The following PHF12 variants were observed in gnomAD, a reference collection of about 807,000 sequenced individuals.
PHF12 encodes the protein PHD finger protein 12, also known as PHD factor 1.
Under a neutral mutation model 99.8 loss-of-function variants are expected in PHF12, and 6 were observed. The observed-to-expected ratio is 0.06, with a 90% CI of 0.03 to 0.12. The LOEUF is 0.12. Among genes scored for constraint, PHF12 ranks in the 10% least tolerant of loss-of-function variants. The pLI is 1.00. For missense variants in PHF12, 954 were observed against 1,300.1 expected, an observed-to-expected ratio of 0.73 and a Z score of 4.09; for synonymous variants, 480 against 514.9, an observed-to-expected ratio of 0.93 and a Z score of 0.92.
chr17:28,944,193 A>G (rs2040677880), intron 2 of PHF12, among the ~76,000 whole-genome samples: 1 of 152,222 alleles, frequency 6.6e-6, no homozygotes, highest in Non-Finnish European at 1.5e-5. Flanking sequence ...CTAATATATT[A>G]TTAGTGGAGC....
At position 28,949,869 on chromosome 17, in the gene PHF12, C is replaced by A; in HGVS notation, c.248+196G>T. ...CCAACCCCCACCTCGGGGTCCGGAC[C>A]CACCGCTGCTCCTCCCCGCTAAACT... On this transcript the variant is annotated intron_variant, in intron 2 of 14. Transcript: ENST00000332830. The surrounding 1 kb of genome is among the most constrained non-coding windows in gnomAD (Gnocchi z 4.6). 1.6e-6 allele frequency: 1 copy of A among 608,602 alleles called. No individual in the cohort carries two copies. The highest frequency in any genetic ancestry group is 3.0e-5 in the East Asian group (1 of 33,668). 37.7% of individuals were successfully genotyped at this position (608,602 alleles called of 1,614,324 possible).
chr17:28,910,708 C>G (rs2152656415), intron 10 of PHF12: 1 of 403,112 alleles, frequency 2.5e-6, no homozygotes, highest in East Asian at 5.1e-5. Context: ...AACTTTCTAC[C>G]CACCTTGTGT....
In PHF12 at chr17:28,906,463, A is replaced by T. The variant is rs1279841015; in HGVS notation, c.2735T>A (p.Met912Lys). 6.2e-7 allele frequency: 1 copy of T among 1,613,306 alleles called. No individual in the cohort carries two copies. The highest frequency in any genetic ancestry group is 8.5e-7 in the Non-Finnish European group (1 of 1,179,648). ...DEEPSEEAAM[M>K]SSQAQGPQRR... Reference sequence around the variant, plus strand: ...CTGCGGCCCCTGGGCCTGGGAACTCATCATGGCTGCCTCCTCACTTGGCTC... The same window carrying T: ...CTGCGGCCCCTGGGCCTGGGAACTCTTCATGGCTGCCTCCTCACTTGGCTC... The change falls in exon 15 of 15, where the codon ATG becomes AAG. Residue 912 changes from methionine to lysine, a missense_variant. By Grantham distance (95) the Met-to-Lys change is moderately conservative (BLOSUM62 -1). Transcript: ENST00000332830. This position sits in a 1 kb window ranked among gnomAD's most constrained non-coding sequence, Gnocchi z 4.2.
At chr17:28,935,958 C>G (rs1050918051) in intron 2 of PHF12, among the ~76,000 whole-genome samples, 2 of 152,174 alleles carry the variant, frequency 1.3e-5, no homozygotes, top group Non-Finnish European at 2.9e-5. Flanking sequence ...TTCAAAGATT[C>G]AAATCGAAGC....
chr17:28,910,449 T>C (rs1949786085), intron 10 of PHF12, 80 bp from the exon 11 acceptor site: 2 of 1,476,438 alleles, frequency 1.4e-6, no homozygotes, highest in Non-Finnish European at 1.8e-6. Context: ...ACAGAGCAAA[T>C]AGTTTGGCAT....
intron 9 of PHF12, among the ~76,000 whole-genome samples, chr17:28,911,553 T>C (rs892165707): frequency 6.6e-6 from 1 of 152,186 alleles, no homozygotes; most frequent in Non-Finnish European, 1.5e-5. Context: ...TTAAAATAAG[T>C]AGTGCCTGCC....
At chr17:28,939,581 G>C (rs1302502503) in intron 2 of PHF12, among the ~76,000 whole-genome samples, 6 of 152,212 alleles carry the variant, frequency 3.9e-5, no homozygotes, top group Non-Finnish European at 8.8e-5. Context: ...CAGGAGCCTA[G>C]GGGTAGTGGA....
intron 10 of PHF12, chr17:28,910,632 G>T: frequency 1.9e-6 from 1 of 528,766 alleles, no homozygotes; most frequent in Non-Finnish European, 3.4e-6. Context: ...CCCCTAGAAA[G>T]GCAGAGTGGA....
At chr17:28,934,253 A>G (rs942065485) in intron 2 of PHF12, among the ~76,000 whole-genome samples, 2 of 152,334 alleles carry the variant, frequency 1.3e-5, no homozygotes, top group African/African-American at 4.8e-5. Context: ...TTCTTACCAT[A>G]AAGACCCACA....
Position 28,913,294 on chromosome 17 carries a change from G to C in PHF12, c.1294-17C>G. On this transcript the variant is annotated splice_polypyrimidine_tract_variant and intron_variant, in intron 8 of 14. Transcript: ENST00000332830. ...ACAGAGCCACTGCAATGGAAGGAGA[G>C]GAGAGGGGGGTGAGAAGCCTGAGAG... 1 of 1,587,060 alleles carries C rather than the reference G, an allele frequency of 6.3e-7. No homozygotes were observed. Among genetic ancestry groups the C allele is most frequent in the African/African-American group, 1.3e-5 (1 of 74,616 alleles).
chr17:28,930,590 C>A (rs943852969), intron 2 of PHF12, among the ~76,000 whole-genome samples: 1 of 152,224 alleles, frequency 6.6e-6, no homozygotes, highest in Non-Finnish European at 1.5e-5. Flanking sequence ...GAGTCCAAGT[C>A]CATACTGGCA....
chr17:28,914,545 G>A (rs147560269), intron 7 of PHF12, among the ~76,000 whole-genome samples: 3 of 151,864 alleles, frequency 2.0e-5, no homozygotes, highest in Admixed American at 6.6e-5. Context: ...GGTGGTGGGC[G>A]CCTATAGTCC....
At chr17:28,925,294 C>T (rs142966473) in intron 3 of PHF12, 66 of 152,302 alleles carry the variant, frequency 4.3e-4, no homozygotes, top group African/African-American at 1.4e-3. Flanking sequence ...TTCTCCTCCT[C>T]CTCTCAGGGA....
At chr17:28,908,727 T>C in intron 12 of PHF12, 56 bp downstream of exon 12, 9 of 1,557,736 alleles carry the variant, frequency 5.8e-6, no homozygotes, top group Non-Finnish European at 7.1e-6. Flanking sequence ...GGTAAGGGTG[T>C]CAGTCTTTAG....
chr17:28,910,516 AG>A, intron 10 of PHF12, 147 bp from the exon 11 acceptor site: 1 of 1,017,676 alleles, frequency 9.8e-7, no homozygotes, highest in Non-Finnish European at 1.4e-6. Context: ...AGAGCGTACA[AG>A]GATCTGCAGC....
intron 2 of PHF12, among the ~76,000 whole-genome samples, chr17:28,935,963 C>A (rs916328848): frequency 3.9e-5 from 6 of 152,196 alleles, no homozygotes; most frequent in African/African-American, 1.4e-4. Flanking sequence ...AGATTCAAAT[C>A]GAAGCCCAGA....
intron 5 of PHF12, among the ~76,000 whole-genome samples, chr17:28,921,222 G>C (rs568702097): frequency 1.3e-4 from 20 of 151,908 alleles, no homozygotes; most frequent in Non-Finnish European, 1.9e-4. Flanking sequence ...TCGCTCTGTT[G>C]ACCAGGCTGG....
chr17:28,924,711 G>A (rs921848425), intron 3 of PHF12: 1 of 269,256 alleles, frequency 3.7e-6, no homozygotes, highest in Non-Finnish European at 7.3e-6. Context: ...AGCACTTTGG[G>A]AGGCCGAGGC....
chr17:28,951,121 G>A lies in PHF12; in HGVS notation c.-161C>T. ...GCTCCCCCCCACCCCCCGGCCCCCA[G>A]TCCCCGGGACGACAGCGTCCTCCCG... On this transcript the variant is annotated 5_prime_UTR_variant, in exon 1 of 15. Transcript: ENST00000332830. 7.1e-7 allele frequency: 1 copy of A among 1,411,078 alleles called. No individual in the cohort carries two copies. The highest frequency in any genetic ancestry group is 9.3e-7 in the Non-Finnish European group (1 of 1,070,660). 87.4% of individuals were successfully genotyped at this position (1,411,078 alleles called of 1,614,324 possible).
Sources: gnomAD v4.1 joint callset for allele counts (sites outside exome capture counted in the v4.1 genomes callset) on GRCh38, gnomAD v4.1.1 for gene constraint, Gnocchi (gnomAD v3.1) non-coding constraint, MANE v1.5 for transcripts, NCBI Gene and HGNC (gene_info 2026-07-23, HGNC 2026-07-21) for gene names.